PEPD: variants seen among roughly 807,000 people sequenced by gnomAD.
PEPD encodes the protein xaa-Pro dipeptidase.
Under a neutral mutation model 60.7 loss-of-function variants are expected in PEPD, and 53 were observed. The ratio of observed to expected loss-of-function variants is 0.87; its 90% confidence interval spans 0.70 to 1.10. PEPD has a LOEUF of 1.10. Among genes scored for constraint, PEPD ranks in the 50% least tolerant of loss-of-function variants. PEPD has a pLI of 0.00. For missense variants in PEPD, 711 were observed against 711.9 expected (o/e 1.00, Z 0.01); for synonymous variants, 267 against 284.1 (o/e 0.94, Z 0.60).
At chr19:33,496,093 C>T (rs140380665) in intron 4 of PEPD, among the ~76,000 whole-genome samples, 214 of 152,254 alleles carry the variant, frequency 1.4e-3, no homozygotes, top group African/African-American at 4.7e-3. Flanking sequence ...GTACACATGC[C>T]GGCCCTAGGT....
intron 6 of PEPD, chr19:33,486,882 G>C (rs1043937763): frequency 3.9e-5 from 6 of 152,950 alleles, no homozygotes; most frequent in African/African-American, 1.4e-4. Flanking sequence ...GGGCCCATCA[G>C]GTCAAACCAA....
At chr19:33,419,916 C>A (rs555973599) in intron 9 of PEPD, among the ~76,000 whole-genome samples, 1 of 152,310 alleles carries the variant, frequency 6.6e-6, no homozygotes, top group South Asian at 2.1e-4. Context: ...CAATCACAGG[C>A]AAGGGCAGCG....
intron 7 of PEPD, 122 bp from the exon 8 acceptor site, chr19:33,464,184 G>C: frequency 1.3e-6 from 1 of 743,124 alleles, no homozygotes; most frequent in Admixed American, 2.0e-5. Flanking sequence ...GTTGTGCAAG[G>C]CCAGAGTGGG....
intron 5 of PEPD, among the ~76,000 whole-genome samples, chr19:33,492,980 A>C (rs1268183813): frequency 6.6e-6 from 1 of 152,054 alleles, no homozygotes; most frequent in Non-Finnish European, 1.5e-5. Flanking sequence ...GGGCTCAAGC[A>C]CGCCTCCCAC....
At chr19:33,521,688 A>G in intron 1 of PEPD, 56 bp downstream of exon 1, 2 of 1,540,536 alleles carry the variant, frequency 1.3e-6, no homozygotes, top group Non-Finnish European at 8.8e-7. Flanking sequence ...TCCGGCCGGG[A>G]CACCCATGCC....
At chr19:33,489,329 A>C (rs574963613) in intron 6 of PEPD, among the ~76,000 whole-genome samples, 1 of 152,192 alleles carries the variant, frequency 6.6e-6, no homozygotes, top group African/African-American at 2.4e-5. Context: ...AATGGCTGGG[A>C]CTAAGAGAGG....
At chr19:33,483,440 A>T (rs1341657822) in intron 6 of PEPD, among the ~76,000 whole-genome samples, 5 of 152,198 alleles carry the variant, frequency 3.3e-5, no homozygotes, top group African/African-American at 1.2e-4. Context: ...CTCAAGCTGG[A>T]GAACAAGGTA....
intron 9 of PEPD, among the ~76,000 whole-genome samples, chr19:33,450,247 C>A (rs1450139880): frequency 6.6e-6 from 1 of 152,222 alleles, no homozygotes; most frequent in Non-Finnish European, 1.5e-5. Flanking sequence ...CGGCTTGTGC[C>A]CCTTCCCAAG....
intron 9 of PEPD, among the ~76,000 whole-genome samples, chr19:33,445,988 C>G (rs1030847427): frequency 6.6e-6 from 1 of 152,248 alleles, no homozygotes; most frequent in African/African-American, 2.4e-5. Context: ...GCCCCCACCA[C>G]CAAGGAAGGG....
intron 1 of PEPD, among the ~76,000 whole-genome samples, chr19:33,518,485 G>A (rs971827551): frequency 2.0e-5 from 3 of 152,238 alleles, no homozygotes; most frequent in South Asian, 2.1e-4. Flanking sequence ...AGGGGTACAC[G>A]TCCAGGGCAG....
chr19:33,396,042 C>T (rs1301019057), intron 12 of PEPD: 1 of 152,492 alleles, frequency 6.6e-6, no homozygotes, highest in Non-Finnish European at 1.5e-5. Context: ...CCCCCACACC[C>T]TGGCAGAGTG....
intron 3 of PEPD, among the ~76,000 whole-genome samples, chr19:33,505,205 C>T (rs908794949): frequency 1.6e-4 from 25 of 152,146 alleles, no homozygotes; most frequent in Admixed American, 1.6e-3. Flanking sequence ...TCCCGCGGCC[C>T]GGCCTGCCTT....
At position 33,387,324 on chromosome 19, in the gene PEPD, G is replaced by C. The variant is rs369236384; in HGVS notation, c.*20C>G. On this transcript the variant is annotated 3_prime_UTR_variant, in exon 15 of 15. Coordinates refer to ENST00000244137, the MANE Select transcript of PEPD (RefSeq NM_000285.4). ...GTTGCAAGGCCAGGCCCCCAGGTGC[G>C]CTGGGATTTCTGGCTGGCTCTACTT... is the stretch of plus-strand genomic sequence containing the variant. The C allele has an allele frequency of 6.2e-7, 1 of 1,613,350 alleles. No individual in the cohort carries two copies. The highest frequency in any genetic ancestry group is 8.5e-7 in the Non-Finnish European group (1 of 1,179,886).
At chr19:33,510,826 C>T (rs1056593090) in intron 3 of PEPD, among the ~76,000 whole-genome samples, 1 of 152,220 alleles carries the variant, frequency 6.6e-6, no homozygotes, top group Non-Finnish European at 1.5e-5. Flanking sequence ...AGTCATACTC[C>T]AGCTCTAACA....
intron 6 of PEPD, among the ~76,000 whole-genome samples, chr19:33,484,842 G>A (rs143932469): frequency 1.1e-4 from 17 of 152,246 alleles, no homozygotes; most frequent in African/African-American, 3.4e-4. Flanking sequence ...AAAAGACAAG[G>A]TTAACAGGTT....
intron 9 of PEPD, among the ~76,000 whole-genome samples, chr19:33,420,958 A>T (rs1036823854): frequency 6.6e-6 from 1 of 152,146 alleles, no homozygotes; most frequent in Admixed American, 6.5e-5. Context: ...GGAATCAAAC[A>T]ATATGGTCTC....
intron 13 of PEPD, among the ~76,000 whole-genome samples, chr19:33,390,644 G>A (rs564137256): frequency 7.9e-5 from 12 of 152,342 alleles, no homozygotes; most frequent in Middle Eastern, 3.4e-3. Context: ...CCACCTGCCC[G>A]GTTGGGCCTC....
rs756898414 is a variant in PEPD at position 33,387,950 on chromosome 19, G to T, written c.1284C>A (p.Asp428Glu). ...IDHLLDEALA[D>E]PARASFLNRE... ...GGTTAAGGAAGGAGGCGCGGGCCGG[G>T]TCCGCCAGGGCCTCATCCAGGAGGT... is the stretch of plus-strand genomic sequence containing the variant. Residue 428 changes from aspartate (D) to glutamate (E), a missense_variant, in exon 14 of 15, where the codon GAC becomes GAA. By Grantham distance (45) the Asp-to-Glu change is conservative. Transcript: ENST00000244137. The T allele has an allele frequency of 1.9e-6, 3 of 1,597,552 alleles. No homozygotes were observed. Among genetic ancestry groups the T allele is most frequent in the African/African-American group, 1.3e-5 (1 of 74,784 alleles).
chr19:33,502,171 C>A lies in PEPD; in HGVS notation c.330-1170G>T, dbSNP rs573870627. The stretch of plus-strand genomic sequence containing the variant: ...ACTGCACAGGGGAGACACTGAGAGC[C>A]AAGTCCAATGACGCACACATACTCG... On this transcript the variant is annotated intron_variant, in intron 3 of 14. Coordinates refer to ENST00000244137, the MANE Select transcript of PEPD (RefSeq NM_000285.4). 2.6e-5 allele frequency among the ~76,000 whole-genome samples: 4 copies of A among 152,276 alleles called. No homozygotes were observed. The South Asian group carries it at 8.3e-4, about 32-fold the overall frequency.
Sources: allele counts gnomAD v4.1 joint callset (sites outside exome capture counted in the v4.1 genomes callset), GRCh38; gene constraint gnomAD v4.1.1; transcripts MANE v1.5; gene names NCBI Gene and HGNC (gene_info 2026-07-23, HGNC 2026-07-21).